BACH2: variants seen among roughly 807,000 people sequenced by gnomAD.
BACH2 encodes BACH transcriptional regulator 2, also known as transcription regulator protein BACH2.
Under a neutral mutation model 61.8 loss-of-function variants are expected in BACH2, and 5 were observed. The observed-to-expected ratio is 0.08, with a 90% CI of 0.04 to 0.17. The LOEUF is 0.17. Ranked by LOEUF, BACH2 falls within the 10% of genes least tolerant of loss-of-function variation. The pLI, the probability that BACH2 is intolerant of heterozygous loss-of-function variation, is 1.00. For missense variants in BACH2, 824 were observed against 1,091.1 expected (o/e 0.76, Z 3.45); for synonymous variants, 446 against 440.1 (o/e 1.01, Z -0.17).
intron 8 of BACH2, 50 bp downstream of exon 8, chr6:89,938,094 T>C: frequency 2.6e-6 from 4 of 1,544,878 alleles, no homozygotes; most frequent in Non-Finnish European, 3.6e-6. Context: ...TTACTTTACA[T>C]TAGTCCTGGT....
chr6:90,098,945 G>A (rs1259785417), intron 4 of BACH2, among the ~76,000 whole-genome samples: 2 of 152,170 alleles, frequency 1.3e-5, no homozygotes, highest in Admixed American at 1.3e-4. Context: ...CTCTACCCCA[G>A]TGTTAGGTTT....
Position 89,951,128 on chromosome 6 carries a change from G to A in BACH2, c.978C>T (p.Ala326=), listed in dbSNP as rs771232812. 15 of 1,610,672 alleles carry A rather than the reference G, an allele frequency of 9.3e-6. No individual in the cohort carries two copies. Among genetic ancestry groups the A allele is most frequent in the Middle Eastern group, 1.7e-4 (1 of 6,058 alleles). ...PAPTPTAPAG[A]ACLERSRSVA... ...CGCTCCTGGATCTCTCCAGGCAGGC[G>A]GCCCCAGCTGGGGCCGTGGGGGTAG... The change falls in exon 7 of 9, where the codon GCC becomes GCT. Residue 326 remains alanine, a synonymous_variant. Coordinates refer to ENST00000257749, the MANE Select transcript of BACH2 (RefSeq NM_021813.4). The surrounding 1 kb of genome is among the most constrained non-coding windows in gnomAD (Gnocchi z 6.4).
In BACH2 at chr6:89,932,367, G is replaced by A; in HGVS notation, c.*41C>T. 6.3e-7 allele frequency: 1 copy of A among 1,588,700 alleles called. No individual in the cohort carries two copies. Among genetic ancestry groups the A allele is most frequent in the Non-Finnish European group, 8.6e-7 (1 of 1,162,996 alleles). On this transcript the variant is annotated 3_prime_UTR_variant, in exon 9 of 9. Transcript: ENST00000257749. Reference sequence around the variant, plus strand: ...GCCACAGGCTGACTGAAGAACGCCTGGATGGGAGAGGTGTGCGGACTGGGA... The same window carrying A: ...GCCACAGGCTGACTGAAGAACGCCTAGATGGGAGAGGTGTGCGGACTGGGA...
chr6:90,275,088 G>A (rs1439179092), intron 1 of BACH2, among the ~76,000 whole-genome samples: 1 of 152,230 alleles, frequency 6.6e-6, no homozygotes, highest in Admixed American at 6.5e-5. Context: ...GCTGGATTTT[G>A]TTGATGAATG....
chr6:90,001,669 G>A lies in BACH2; in HGVS notation c.243+6933C>T, dbSNP rs571796509. On this transcript the variant is annotated intron_variant, in intron 6 of 8. Transcript: ENST00000257749. ...TAGAGTCCTTTGACACCAGCTAAGT[G>A]GATGGGACAAAGCATAAAGAGCTTA... Among the ~76,000 whole-genome samples, 44 of 152,296 alleles carry A rather than the reference G, an allele frequency of 2.9e-4. 1 individual carries two copies. The highest frequency in any genetic ancestry group is 1.1e-3 in the African/African-American group (44 of 41,562).
chr6:90,057,518 G>A (rs1309128391), intron 5 of BACH2, among the ~76,000 whole-genome samples: 1 of 152,190 alleles, frequency 6.6e-6, no homozygotes, highest in Non-Finnish European at 1.5e-5. Flanking sequence ...GAACCAGGTG[G>A]ATTCACAGCC....
intron 4 of BACH2, among the ~76,000 whole-genome samples, chr6:90,114,728 C>T (rs1783319031): frequency 6.6e-6 from 1 of 152,152 alleles, no homozygotes; most frequent in Non-Finnish European, 1.5e-5. Flanking sequence ...GTCAAACGAT[C>T]TCTGTTTGCA....
intron 1 of BACH2, among the ~76,000 whole-genome samples, chr6:90,283,716 T>G (rs1218199998): frequency 6.6e-6 from 1 of 152,116 alleles, no homozygotes; most frequent in African/African-American, 2.4e-5. Flanking sequence ...TATAAGAATT[T>G]TTTAGGTCTG....
chr6:89,993,829 A>G lies in BACH2; in HGVS notation c.243+14773T>C, dbSNP rs186438003. ...TTTTTTTTTTTTGAATTTTTTTTCT[A>G]TATTTCATACTTGAATAAACTGGCT... On this transcript the variant is annotated intron_variant, in intron 6 of 8. Coordinates refer to ENST00000257749, the MANE Select transcript of BACH2 (RefSeq NM_021813.4). 1.4e-3 allele frequency among the ~76,000 whole-genome samples: 203 copies of G among 149,282 alleles called. 1 individual carries two copies. Among genetic ancestry groups the G allele is most frequent in the African/African-American group, 4.0e-3 (163 of 40,560 alleles).
intron 4 of BACH2, among the ~76,000 whole-genome samples, chr6:90,100,955 A>G (rs1018805823): frequency 1.3e-5 from 2 of 152,182 alleles, no homozygotes; most frequent in Non-Finnish European, 2.9e-5. Context: ...GTGGGGGTAA[A>G]GTGGTAACTC....
chr6:89,994,582 G>C (rs1408139541), intron 6 of BACH2, among the ~76,000 whole-genome samples: 1 of 152,168 alleles, frequency 6.6e-6, no homozygotes, highest in Non-Finnish European at 1.5e-5. Flanking sequence ...GCCCCGAGTT[G>C]GACGGAAGGG....
chr6:90,047,311 G>T (rs1009959833), intron 5 of BACH2, among the ~76,000 whole-genome samples: 3 of 152,168 alleles, frequency 2.0e-5, no homozygotes, highest in Non-Finnish European at 2.9e-5. Flanking sequence ...GGCCTATAAT[G>T]TAACTGTTCT....
chr6:89,988,280 C>T (rs1776351404), intron 6 of BACH2, among the ~76,000 whole-genome samples: 2 of 152,272 alleles, frequency 1.3e-5, no homozygotes, highest in South Asian at 4.1e-4. Flanking sequence ...AGCATTTTTC[C>T]AGGCATGAGT....
intron 4 of BACH2, among the ~76,000 whole-genome samples, chr6:90,138,260 T>C (rs1784346555): frequency 6.6e-6 from 1 of 152,174 alleles, no homozygotes; most frequent in South Asian, 2.1e-4. Flanking sequence ...CCCAGCACTT[T>C]GGGAGGTCGA....
chr6:90,295,441 C>G (rs558684941), intron 1 of BACH2, among the ~76,000 whole-genome samples: 4 of 152,218 alleles, frequency 2.6e-5, no homozygotes, highest in African/African-American at 7.2e-5. Context: ...CGCCGAGATG[C>G]TCGCTCCAGT....
chr6:89,992,033 A>G (rs1352534059), intron 6 of BACH2, among the ~76,000 whole-genome samples: 1 of 152,176 alleles, frequency 6.6e-6, no homozygotes, highest in Non-Finnish European at 1.5e-5. Flanking sequence ...TGACTACTTA[A>G]AACATTTAAT....
intron 4 of BACH2, among the ~76,000 whole-genome samples, chr6:90,197,133 T>C (rs111555057): frequency 1.0e-3 from 157 of 152,306 alleles, no homozygotes; most frequent in Middle Eastern, 3.4e-3. Flanking sequence ...TCTGAAAATA[T>C]AGAAAATACT....
chr6:90,154,812 T>C (rs777705929), intron 4 of BACH2, among the ~76,000 whole-genome samples: 9 of 152,184 alleles, frequency 5.9e-5, no homozygotes, highest in Non-Finnish European at 8.8e-5. Context: ...AAGTGTTACT[T>C]TGGCAGGGTC....
chr6:90,060,811 C>G (rs1318604279), intron 5 of BACH2, among the ~76,000 whole-genome samples: 1 of 152,114 alleles, frequency 6.6e-6, no homozygotes, highest in African/African-American at 2.4e-5. Flanking sequence ...TTTTATCTCC[C>G]TTCTAGAATC....
Sources: allele counts gnomAD v4.1 joint callset (sites outside exome capture counted in the v4.1 genomes callset), GRCh38; gene constraint gnomAD v4.1.1; non-coding constraint Gnocchi (gnomAD v3.1); transcripts MANE v1.5; gene names NCBI Gene and HGNC (gene_info 2026-07-23, HGNC 2026-07-21).